CEP128: variants seen among roughly 807,000 people sequenced by gnomAD.
CEP128 encodes centrosomal protein 128, also known as centrosomal protein 128kDa.
Under a neutral mutation model 156.7 loss-of-function variants are expected in CEP128, and 132 were observed. The observed-to-expected ratio is 0.84, with a 90% CI of 0.73 to 0.97. CEP128 has a LOEUF of 0.97. CEP128 is among the 50% of genes least tolerant of loss of function. The pLI is 0.00. For synonymous variants in CEP128, 469 were observed against 448.9 expected, an observed-to-expected ratio of 1.04 and a Z score of -0.57; for missense variants, 1,252 against 1,281.9, an observed-to-expected ratio of 0.98 and a Z score of 0.36.
chr14:80,925,787 C>T (rs928823407), intron 2 of CEP128, among the ~76,000 whole-genome samples: 3 of 152,038 alleles, frequency 2.0e-5, no homozygotes, highest in Non-Finnish European at 2.9e-5. Flanking sequence ...ACATGATAAA[C>T]CAGGAGGAAA....
intron 19 of CEP128, among the ~76,000 whole-genome samples, chr14:80,683,142 A>T (rs983076573): frequency 6.6e-6 from 1 of 152,174 alleles, no homozygotes; most frequent in Non-Finnish European, 1.5e-5. Context: ...AACCTTGAAT[A>T]TAAGTGATCT....
At chr14:80,514,015 C>T (rs1888378301) in intron 23 of CEP128, among the ~76,000 whole-genome samples, 1 of 152,194 alleles carries the variant, frequency 6.6e-6, no homozygotes, top group South Asian at 2.1e-4. Context: ...AGGGCAGCCA[C>T]TATAAGACTT....
At chr14:80,774,527 C>T (rs1004309766) in intron 16 of CEP128, among the ~76,000 whole-genome samples, 7 of 151,972 alleles carry the variant, frequency 4.6e-5, no homozygotes, top group Non-Finnish European at 7.4e-5. Context: ...ATTTTTATTT[C>T]GTTTTCTTGC....
At chr14:80,937,652 T>G (rs1055867075) in intron 2 of CEP128, among the ~76,000 whole-genome samples, 3 of 152,152 alleles carry the variant, frequency 2.0e-5, no homozygotes, top group African/African-American at 7.2e-5. Context: ...TGGTAAGTGC[T>G]GACCTGTAAC....
In CEP128 at chr14:80,583,931, G is replaced by T. The variant is rs188796667; in HGVS notation, c.2807-3508C>A. ...ATGAAGACATGAGACTCAAAGAAAT[G>T]CAAATGGTTTGGCTGAGATCACCTA... On this transcript the variant is annotated intron_variant, in intron 19 of 24. Coordinates refer to ENST00000555265, the MANE Select transcript of CEP128 (RefSeq NM_152446.5). Among the ~76,000 whole-genome samples, 5 of 152,232 alleles carry T rather than the reference G, an allele frequency of 3.3e-5. No individual in the cohort carries two copies. The East Asian group carries it at 9.7e-4, about 29-fold the overall frequency.
intron 19 of CEP128, among the ~76,000 whole-genome samples, chr14:80,625,708 G>A (rs1014784714): frequency 5.3e-5 from 8 of 150,652 alleles, no homozygotes; most frequent in Non-Finnish European, 1.0e-4. Flanking sequence ...TCTTTCTTCC[G>A]TCCTCTCCTT....
Position 80,793,297 on chromosome 14 carries a change from T to C in CEP128, c.1210-187A>G, listed in dbSNP as rs759681170. Among the ~76,000 whole-genome samples, 9 of 152,332 alleles carry C rather than the reference T, an allele frequency of 5.9e-5. 1 individual carries two copies. In the South Asian group the frequency reaches 6.2e-4, roughly 11 times the overall value. ...TTATAACCACATTAGTTGGGAATAA[T>C]TTTTTATATAAATATTCCCTTTCTT... On this transcript the variant is annotated intron_variant, in intron 13 of 24. Transcript: ENST00000555265.
At chr14:80,517,998 C>T (rs979196268) in intron 23 of CEP128, among the ~76,000 whole-genome samples, 12 of 151,746 alleles carry the variant, frequency 7.9e-5, no homozygotes, top group Non-Finnish European at 1.5e-4. Flanking sequence ...CAGTGGTGGA[C>T]GGTGAGCGAA....
intron 20 of CEP128, among the ~76,000 whole-genome samples, chr14:80,579,192 T>C: frequency 6.6e-6 from 1 of 152,162 alleles, no homozygotes; most frequent in African/African-American, 2.4e-5. Flanking sequence ...AAAAAGACTT[T>C]CTCAATATAC....
chr14:80,763,996 G>A (rs901522622), intron 16 of CEP128, among the ~76,000 whole-genome samples: 12 of 152,190 alleles, frequency 7.9e-5, no homozygotes, highest in African/African-American at 2.9e-4. Flanking sequence ...TTACATCTAA[G>A]CAATTCAAAA....
chr14:80,650,828 TA>T (rs766202624), intron 19 of CEP128, among the ~76,000 whole-genome samples: 2 of 152,200 alleles, frequency 1.3e-5, no homozygotes, highest in African/African-American at 2.4e-5. Context: ...GCCAGTATTT[TA>T]TTTAGGATTT....
intron 18 of CEP128, among the ~76,000 whole-genome samples, chr14:80,748,402 A>T (rs1899214546): frequency 6.6e-6 from 1 of 152,232 alleles, no homozygotes; most frequent in Non-Finnish European, 1.5e-5. Context: ...CAGGAAAAAT[A>T]TAAGATGGTA....
intron 19 of CEP128, among the ~76,000 whole-genome samples, chr14:80,617,217 A>ATTT (rs1555382736): frequency 9.3e-5 from 4 of 43,134 alleles, no homozygotes; most frequent in Non-Finnish European, 1.5e-4. Flanking sequence ...TGTGAATATC[A>ATTT]TCTTTTTTTT....
chr14:80,661,204 C>A (rs72690932), intron 19 of CEP128, among the ~76,000 whole-genome samples: 17 of 152,072 alleles, frequency 1.1e-4, no homozygotes, highest in Non-Finnish European at 1.8e-4. Flanking sequence ...CGTGCTCCCC[C>A]CCACAGAAAA....
intron 2 of CEP128, among the ~76,000 whole-genome samples, chr14:80,922,905 A>G (rs975006892): frequency 1.3e-5 from 2 of 152,242 alleles, no homozygotes; most frequent in African/African-American, 4.8e-5. Context: ...ATTTCTTTCA[A>G]TTGGAGAAAA....
downstream of CEP128, among the ~76,000 whole-genome samples, chr14:80,491,822 A>T (rs748424479): frequency 6.6e-6 from 1 of 152,182 alleles, no homozygotes; most frequent in African/African-American, 2.4e-5. Context: ...TCTTTCCAGG[A>T]CCCTGCATCA....
intron 14 of CEP128, among the ~76,000 whole-genome samples, chr14:80,791,691 C>T (rs192316472): frequency 2.0e-5 from 3 of 152,152 alleles, no homozygotes; most frequent in Non-Finnish European, 4.4e-5. Context: ...TTCAGGGCAA[C>T]CAGCCACCCA....
chr14:80,736,482 C>A (rs1285935179), intron 19 of CEP128, among the ~76,000 whole-genome samples: 2 of 151,940 alleles, frequency 1.3e-5, no homozygotes, highest in Non-Finnish European at 2.9e-5. Flanking sequence ...TTTAACATTT[C>A]TGAATTTTCC....
chr14:80,504,837 C>T, intron 24 of CEP128, 75 bp downstream of exon 24: 2 of 655,950 alleles, frequency 3.0e-6, no homozygotes, highest in Non-Finnish European at 5.2e-6. Flanking sequence ...CATATACTGG[C>T]CTTAAACTAA....
Sources: allele counts gnomAD v4.1 joint callset (sites outside exome capture counted in the v4.1 genomes callset), GRCh38; gene constraint gnomAD v4.1.1; transcripts MANE v1.5; gene names NCBI Gene and HGNC (gene_info 2026-07-23, HGNC 2026-07-21).